The following ATP8B4 variants were observed in gnomAD, a reference collection of about 807,000 sequenced individuals.
ATP8B4 encodes the protein probable phospholipid-transporting ATPase IM.
ATP8B4 carries 133 observed loss-of-function variants against 145.6 expected under a neutral mutation model. The observed-to-expected ratio is 0.91, with a 90% CI of 0.79 to 1.05. The LOEUF (loss-of-function observed/expected upper bound fraction) is 1.05. Ranked by LOEUF, ATP8B4 falls within the 50% of genes least tolerant of loss-of-function variation. ATP8B4 has a pLI of 0.00. For synonymous variants in ATP8B4, 507 were observed against 492.9 expected (o/e 1.03, Z -0.38); for missense variants, 1,458 against 1,425.2 (o/e 1.02, Z -0.37).
chr15:49,937,618 C>A (rs1474377434), intron 14 of ATP8B4, among the ~76,000 whole-genome samples: 1 of 152,062 alleles, frequency 6.6e-6, no homozygotes, highest in African/African-American at 2.4e-5. Flanking sequence ...AAATCTCTAG[C>A]CTCATGGATC....
intron 20 of ATP8B4, among the ~76,000 whole-genome samples, chr15:49,913,751 G>T (rs2039467998): frequency 6.6e-6 from 1 of 152,016 alleles, no homozygotes; most frequent in African/African-American, 2.4e-5. Flanking sequence ...AAGTACCTGA[G>T]AAAGAAAGCA....
intron 23 of ATP8B4, among the ~76,000 whole-genome samples, chr15:49,889,961 G>T (rs1340416022): frequency 6.6e-6 from 1 of 152,216 alleles, no homozygotes; most frequent in Non-Finnish European, 1.5e-5. Flanking sequence ...TGACAGGGTT[G>T]GCCCCAAGAC....
intron 3 of ATP8B4, among the ~76,000 whole-genome samples, chr15:50,059,950 G>A (rs532979701): frequency 6.6e-6 from 1 of 152,176 alleles, no homozygotes; most frequent in African/African-American, 2.4e-5. Flanking sequence ...AATATTTCTT[G>A]GTATATAACT....
At chr15:49,879,249 G>A (rs1213906322) in intron 24 of ATP8B4, 127 bp downstream of exon 24, 4 of 806,044 alleles carry the variant, frequency 5.0e-6, no homozygotes, top group Non-Finnish European at 7.8e-6. Context: ...TGTGATCCAT[G>A]CAAAAGCAAC....
At chr15:50,157,901 C>T (rs2044446251) in intron 1 of ATP8B4, among the ~76,000 whole-genome samples, 1 of 151,908 alleles carries the variant, frequency 6.6e-6, no homozygotes, top group Non-Finnish European at 1.5e-5. Context: ...ATTGCAGGCG[C>T]GTGCCGCCAC....
At chr15:50,083,206 G>A (rs183434406) in intron 2 of ATP8B4, among the ~76,000 whole-genome samples, 10 of 152,260 alleles carry the variant, frequency 6.6e-5, no homozygotes, top group African/African-American at 1.2e-4. Context: ...CCTGTAGTGC[G>A]TGTTTCCTCT....
intron 2 of ATP8B4, among the ~76,000 whole-genome samples, chr15:50,096,139 G>T (rs1039455737): frequency 3.3e-5 from 5 of 152,186 alleles, no homozygotes; most frequent in Admixed American, 3.3e-4. Flanking sequence ...GAGCCAGGGG[G>T]AAATTCCACC....
At chr15:50,074,254 A>G in intron 2 of ATP8B4, 69 bp from the exon 3 acceptor site, 3 of 1,362,730 alleles carry the variant, frequency 2.2e-6, no homozygotes, top group Middle Eastern at 1.9e-4. Context: ...CATTAAAACA[A>G]CAAGACTTAG....
intron 7 of ATP8B4, among the ~76,000 whole-genome samples, chr15:50,010,177 C>T (rs2048622259): frequency 1.3e-5 from 2 of 152,084 alleles, no homozygotes; most frequent in South Asian, 2.1e-4. Flanking sequence ...AATACAATAA[C>T]TTGAATTTTT....
At chr15:49,923,625 C>T (rs746955365) in intron 16 of ATP8B4, 131 bp from the exon 17 acceptor site, 7 of 584,036 alleles carry the variant, frequency 1.2e-5, no homozygotes, top group Non-Finnish European at 2.1e-5. Context: ...ACACTCAGTG[C>T]CTTTGGTTAG....
chr15:50,082,592 C>T (rs1258466504), intron 2 of ATP8B4, among the ~76,000 whole-genome samples: 1 of 152,112 alleles, frequency 6.6e-6, no homozygotes, highest in African/African-American at 2.4e-5. Context: ...AAAATTTTTA[C>T]CAATTCATTA....
intron 25 of ATP8B4, among the ~76,000 whole-genome samples, chr15:49,874,812 T>A (rs2034155657): frequency 6.6e-6 from 1 of 152,188 alleles, no homozygotes; most frequent in South Asian, 2.1e-4. Context: ...ATGTGATAGT[T>A]TCTGTGGGCT....
At chr15:49,878,117 C>A (rs142576877) in intron 24 of ATP8B4, among the ~76,000 whole-genome samples, 2 of 152,242 alleles carry the variant, frequency 1.3e-5, no homozygotes, top group African/African-American at 2.4e-5. Context: ...TAATAGGAAG[C>A]CTTATTATAT....
chr15:49,901,120 T>C lies in ATP8B4; in HGVS notation c.2261A>G (p.Tyr754Cys). The C allele has an allele frequency of 1.9e-6, 3 of 1,613,554 alleles. No homozygotes were observed. The highest frequency in any genetic ancestry group is 2.5e-6 in the Non-Finnish European group (3 of 1,179,636). ...SIVEETITGD[Y>C]ALIINGHSLA... ...ACTGTGGCCATTTATGATTAAGGCA[T>C]AATCTCCTGTTATGGTTTCTTCTAC... Residue 754 changes from tyrosine to cysteine, a missense_variant, in exon 21 of 28, where the codon TAT becomes TGT. Physicochemically the swap from Tyr to Cys is radical, Grantham distance 194. Transcript: ENST00000284509.
At chr15:50,112,513 A>G (rs985383446) in intron 1 of ATP8B4, among the ~76,000 whole-genome samples, 3 of 151,920 alleles carry the variant, frequency 2.0e-5, no homozygotes, top group Non-Finnish European at 4.4e-5. Context: ...ATCTCCTTCT[A>G]TGCTCCTTTC....
At chr15:49,953,292 C>A (rs1036008452) in intron 14 of ATP8B4, among the ~76,000 whole-genome samples, 1 of 152,162 alleles carries the variant, frequency 6.6e-6, no homozygotes, top group Non-Finnish European at 1.5e-5. Flanking sequence ...TGCCTAGATT[C>A]CTCAGAACAA....
chr15:49,934,177 T>C lies in ATP8B4; in HGVS notation c.1293A>G (p.Lys431=), dbSNP rs114705901. The change falls in exon 15 of 28, where the codon AAA becomes AAG. Residue 431 remains lysine (K), a synonymous_variant. Transcript: ENST00000284509. ...ATTTGACTGAGAAATCCACAGGCTC[T>C]TTTTCCTGTAGGAGAACAACAACAA... The part of the protein sequence containing the change: ...LDQKTEITQE[K]EPVDFSVKSQ... 412 of 1,606,624 alleles carry C rather than the reference T, an allele frequency of 2.6e-4. No homozygotes were observed. Among genetic ancestry groups the C allele is most frequent in the Non-Finnish European group, 3.4e-4 (395 of 1,177,218 alleles).
chr15:50,015,905 G>C (rs1013641036), intron 6 of ATP8B4, among the ~76,000 whole-genome samples: 2 of 152,150 alleles, frequency 1.3e-5, no homozygotes, highest in Admixed American at 6.5e-5. Flanking sequence ...GAGGTCTCTG[G>C]TCAGCTGCTG....
intron 2 of ATP8B4, among the ~76,000 whole-genome samples, chr15:50,099,105 C>T (rs1228659683): frequency 6.6e-6 from 1 of 152,154 alleles, no homozygotes; most frequent in Non-Finnish European, 1.5e-5. Context: ...TGTGTTCTGG[C>T]TCCACAACCC....
Sources: allele counts gnomAD v4.1 joint callset (sites outside exome capture counted in the v4.1 genomes callset), GRCh38; gene constraint gnomAD v4.1.1; transcripts MANE v1.5; gene names NCBI Gene and HGNC (gene_info 2026-07-23, HGNC 2026-07-21).